The following PPM1G variants were observed in gnomAD, a reference collection of about 807,000 sequenced individuals.
PPM1G encodes the protein protein phosphatase, Mg2+/Mn2+ dependent 1G, also known as protein phosphatase 1G.
In PPM1G, 12 loss-of-function variants were observed where a neutral mutation model predicts 59.4. The observed-to-expected ratio is 0.20, with a 90% CI of 0.13 to 0.33. The LOEUF (loss-of-function observed/expected upper bound fraction) is 0.33, where lower values mean the gene tolerates loss of function less well. PPM1G is among the 10% of genes least tolerant of loss of function. The pLI is 1.00. For missense variants in PPM1G, 392 were observed against 681.3 expected (o/e 0.58, Z 4.73); for synonymous variants, 245 against 251.9 (o/e 0.97, Z 0.26).
rs1424357957 is a variant in PPM1G at position 27,385,145 on chromosome 2, CCT to C, written c.410-59_410-58del. 1.3e-6 allele frequency: 2 copies of C among 1,506,282 alleles called. No individual in the cohort carries two copies. Among genetic ancestry groups the C allele is most frequent in the Non-Finnish European group, 1.8e-6 (2 of 1,133,066 alleles). The allele number at this position is 1,506,282 out of a possible 1,614,324, so 93.3% of individuals were successfully genotyped here. On this transcript the variant is annotated intron_variant, in intron 4 of 9. Transcript: ENST00000344034. The surrounding 1 kb of genome is among the most constrained non-coding windows in gnomAD (Gnocchi z 4.1). ...TGCCAGACTCCTCATGGGATCCGTC[CCT>C]CTCACTACCTCAACAGCCCTTGCAG...
intron 1 of PPM1G, among the ~76,000 whole-genome samples, chr2:27,392,299 T>G (rs56398317): frequency 9.8e-6 from 1 of 102,172 alleles, no homozygotes. Context: ...TTTTTTTTTT[T>G]TTTTTTTTTT....
Position 27,382,297 on chromosome 2 carries a change from G to T in PPM1G, c.1332-69C>A. 1 of 1,569,676 alleles carries T rather than the reference G, an allele frequency of 6.4e-7. No homozygotes were observed. The highest frequency in any genetic ancestry group is 8.8e-7 in the Non-Finnish European group (1 of 1,140,396). ...GCAGCGTAGAGGAGTATGGACAGAG[G>T]TGGTGGCCCAGGCCAGTGTAAATAA... On this transcript the variant is annotated intron_variant, in intron 8 of 9. Coordinates refer to ENST00000344034, the MANE Select transcript of PPM1G (RefSeq NM_177983.3). This position sits in a 1 kb window ranked among gnomAD's most constrained non-coding sequence, Gnocchi z 4.2.
intron 2 of PPM1G, 118 bp from the exon 3 acceptor site, chr2:27,386,397 C>A: frequency 1.5e-6 from 1 of 678,048 alleles, no homozygotes. Context: ...AATATCTTAG[C>A]ACCCCTGAAC....
chr2:27,409,269 G>A (rs1298479891), intron 1 of PPM1G, 34 bp downstream of exon 1: 4 of 1,543,458 alleles, frequency 2.6e-6, no homozygotes, highest in African/African-American at 1.4e-5. Context: ...TTCCCGCCCC[G>A]CAGCGGCCAG....
chr2:27,392,292 T>TTTTG (rs1465463311), intron 1 of PPM1G, among the ~76,000 whole-genome samples: 14 of 89,942 alleles, frequency 1.6e-4, no homozygotes, highest in African/African-American at 6.0e-4. Flanking sequence ...TTTTGTTTTT[T>TTTTG]TTTTTTTTTT....
rs550820361 is a variant in PPM1G at position 27,404,779 on chromosome 2, T to C, written c.120+4524A>G. On this transcript the variant is annotated intron_variant, in intron 1 of 9. Coordinates refer to ENST00000344034, the MANE Select transcript of PPM1G (RefSeq NM_177983.3). ...CCAACATAGTGAAACCCTGTCTCTATTGAAAATACAAAAAATTAGCCGGGC... is the reference window on the plus strand; with the variant it reads ...CCAACATAGTGAAACCCTGTCTCTACTGAAAATACAAAAAATTAGCCGGGC... 6.0e-5 allele frequency among the ~76,000 whole-genome samples: 9 copies of C among 150,212 alleles called. No homozygotes were observed. The East Asian group carries it at 1.6e-3, about 27-fold the overall frequency.
intron 1 of PPM1G, among the ~76,000 whole-genome samples, chr2:27,389,043 C>T (rs1232761157): frequency 6.6e-6 from 1 of 152,098 alleles, no homozygotes; most frequent in African/African-American, 2.4e-5. Context: ...ACAACAAACA[C>T]ACCTAAGAAC....
chr2:27,396,748 G>C (rs969791855), intron 1 of PPM1G, among the ~76,000 whole-genome samples: 4 of 147,454 alleles, frequency 2.7e-5, no homozygotes, highest in African/African-American at 1.0e-4. Flanking sequence ...CCAGGTGGCA[G>C]AGGTTGCAGT....
At chr2:27,395,772 G>A (rs1395138533) in intron 1 of PPM1G, among the ~76,000 whole-genome samples, 2 of 151,502 alleles carry the variant, frequency 1.3e-5, no homozygotes, top group Non-Finnish European at 2.9e-5. Context: ...TGAGCCCAGA[G>A]GTTGAGGCTG....
chr2:27,391,434 A>C (rs1486573225), intron 1 of PPM1G, among the ~76,000 whole-genome samples: 1 of 152,222 alleles, frequency 6.6e-6, no homozygotes, highest in Non-Finnish European at 1.5e-5. Flanking sequence ...TCTGATGATT[A>C]GAAATGGGCG....
rs1683734362 is a variant in PPM1G at position 27,385,160 on chromosome 2, A to C, written c.410-72T>G. 1.3e-6 allele frequency: 2 copies of C among 1,487,788 alleles called. No individual in the cohort carries two copies. The highest frequency in any genetic ancestry group is 1.4e-5 in the African/African-American group (1 of 71,262). The allele number at this position is 1,487,788 out of a possible 1,614,324, so 92.2% of individuals were successfully genotyped here. On this transcript the variant is annotated intron_variant, in intron 4 of 9. Transcript: ENST00000344034. The surrounding 1 kb of genome is among the most constrained non-coding windows in gnomAD (Gnocchi z 4.1). The stretch of plus-strand genomic sequence containing the variant: ...GGGATCCGTCCCTCTCACTACCTCA[A>C]CAGCCCTTGCAGCCTCTAACTTCCC...
At chr2:27,389,025 G>A (rs1683835006) in intron 1 of PPM1G, among the ~76,000 whole-genome samples, 1 of 152,042 alleles carries the variant, frequency 6.6e-6, no homozygotes, top group African/African-American at 2.4e-5. Context: ...GTTCCATTCT[G>A]AATAAGGACA....
chr2:27,400,535 C>T (rs1472762552), intron 1 of PPM1G, among the ~76,000 whole-genome samples: 1 of 152,110 alleles, frequency 6.6e-6, no homozygotes, highest in Non-Finnish European at 1.5e-5. Context: ...GAAAAGATTC[C>T]TTGAGGCCAG....
intron 1 of PPM1G, among the ~76,000 whole-genome samples, chr2:27,402,323 T>C (rs535515619): frequency 1.3e-5 from 2 of 152,302 alleles, no homozygotes; most frequent in African/African-American, 4.8e-5. Context: ...ATTCAAGCCC[T>C]TACCTCTCAA....
At position 27,382,054 on chromosome 2, in the gene PPM1G, T is replaced by C; in HGVS notation, c.1434+72A>G. 4 of 1,464,764 alleles carry C rather than the reference T, an allele frequency of 2.7e-6. No homozygotes were observed. Among genetic ancestry groups the C allele is most frequent in the Non-Finnish European group, 3.8e-6 (4 of 1,047,382 alleles). 90.7% of individuals were successfully genotyped at this position (1,464,764 alleles called of 1,614,324 possible). On this transcript the variant is annotated intron_variant, in intron 9 of 9. Coordinates refer to ENST00000344034, the MANE Select transcript of PPM1G (RefSeq NM_177983.3). This position sits in a 1 kb window ranked among gnomAD's most constrained non-coding sequence, Gnocchi z 4.2. ...CTGATAATGCTCCCAGATTGCCGAC[T>C]TAGCTCAGATTAAAAGAGTGAACCC...
At chr2:27,401,490 C>T (rs1684178976) in intron 1 of PPM1G, among the ~76,000 whole-genome samples, 1 of 152,102 alleles carries the variant, frequency 6.6e-6, no homozygotes, top group Non-Finnish European at 1.5e-5. Flanking sequence ...TTTTGGGGTT[C>T]TAAAACTGAT....
chr2:27,409,441 G>C lies in PPM1G; in HGVS notation c.-19C>G. 2 of 1,499,028 alleles carry C rather than the reference G, an allele frequency of 1.3e-6. No individual in the cohort carries two copies. Among genetic ancestry groups the C allele is most frequent in the Non-Finnish European group, 1.8e-6 (2 of 1,125,288 alleles). 92.9% of individuals were successfully genotyped at this position (1,499,028 alleles called of 1,614,324 possible). On this transcript the variant is annotated 5_prime_UTR_variant, in exon 1 of 10. Transcript: ENST00000344034. Reference sequence around the variant, plus strand: ...CACCCATGGCGGCGGCTGGCCGGCGGCCTCAGGTGCAGGAAAGCTGGGCGC... The same window carrying C: ...CACCCATGGCGGCGGCTGGCCGGCGCCCTCAGGTGCAGGAAAGCTGGGCGC...
At chr2:27,387,821 C>A (rs928878190) in intron 1 of PPM1G, among the ~76,000 whole-genome samples, 4 of 151,912 alleles carry the variant, frequency 2.6e-5, no homozygotes, top group Non-Finnish European at 2.9e-5. Context: ...TTTTTTGAGA[C>A]GGAGTCTCGC....
In PPM1G at chr2:27,383,820, G is replaced by T; in HGVS notation, c.966+132C>A. ...AAAGGCTTACCATCTCATTCCCCTT[G>T]CAGAATAAATCCCCATGACTATTAC... On this transcript the variant is annotated intron_variant, in intron 6 of 9. Coordinates refer to ENST00000344034, the MANE Select transcript of PPM1G (RefSeq NM_177983.3). The surrounding 1 kb of genome is among the most constrained non-coding windows in gnomAD (Gnocchi z 5.0). 1 of 1,377,354 alleles carries T rather than the reference G, an allele frequency of 7.3e-7. No individual in the cohort carries two copies. Among genetic ancestry groups the T allele is most frequent in the Non-Finnish European group, 9.8e-7 (1 of 1,019,332 alleles). The allele number at this position is 1,377,354 out of a possible 1,614,324, so 85.3% of individuals were successfully genotyped here. A position where few individuals can be genotyped will look rare whatever the true frequency, so the allele number is the denominator to read the frequency against.
Sources: gnomAD v4.1 joint callset for allele counts (sites outside exome capture counted in the v4.1 genomes callset) on GRCh38, gnomAD v4.1.1 for gene constraint, Gnocchi (gnomAD v3.1) non-coding constraint, MANE v1.5 for transcripts, NCBI Gene and HGNC (gene_info 2026-07-23, HGNC 2026-07-21) for gene names.